The following RALGPS1 variants were observed in gnomAD, a reference collection of about 807,000 sequenced individuals.
The protein encoded by RALGPS1 is ras-specific guanine nucleotide-releasing factor RalGPS1.
In RALGPS1, 19 loss-of-function variants were observed where a neutral mutation model predicts 78.8. That is an observed-to-expected ratio of 0.24 (90% CI 0.17 to 0.35). The LOEUF (loss-of-function observed/expected upper bound fraction) is 0.35. Ranked by LOEUF, RALGPS1 falls within the 10% of genes least tolerant of loss-of-function variation. The pLI is 1.00. For missense variants in RALGPS1, 454 were observed against 688.3 expected, an observed-to-expected ratio of 0.66 and a Z score of 3.81; for synonymous variants, 228 against 256.3, an observed-to-expected ratio of 0.89 and a Z score of 1.06.
At chr9:127,194,351 A>G (rs1274255222) in intron 11 of RALGPS1, among the ~76,000 whole-genome samples, 1 of 152,162 alleles carries the variant, frequency 6.6e-6, no homozygotes, top group Non-Finnish European at 1.5e-5. Flanking sequence ...TTTAATGAGT[A>G]CATAGAGACC....
At chr9:127,048,143 C>T (rs2047979035) in intron 5 of RALGPS1, among the ~76,000 whole-genome samples, 1 of 152,086 alleles carries the variant, frequency 6.6e-6, no homozygotes, top group Admixed American at 6.5e-5. Flanking sequence ...CCTTGTTGCA[C>T]CAGTCCTCCC....
chr9:127,089,044 C>G (rs779674362), intron 8 of RALGPS1: 4 of 1,614,208 alleles, frequency 2.5e-6, no homozygotes, highest in Non-Finnish European at 2.5e-6. Context: ...GGTAGCGGCT[C>G]CGGTAATGGC....
chr9:127,012,932 A>C (rs1188975666), intron 4 of RALGPS1, among the ~76,000 whole-genome samples: 1 of 152,142 alleles, frequency 6.6e-6, no homozygotes, highest in African/African-American at 2.4e-5. Context: ...TCCCTGGTCT[A>C]ATGGGAAAGG....
chr9:127,137,898 C>G (rs2057510549), intron 8 of RALGPS1, among the ~76,000 whole-genome samples: 1 of 152,172 alleles, frequency 6.6e-6, no homozygotes, highest in African/African-American at 2.4e-5. Context: ...GCCCAGGTCC[C>G]TCATCTGTAA....
rs1013813887 is a variant in RALGPS1 at position 126,933,908 on chromosome 9, A to G, written c.-66+18933A>G. 4.4e-4 allele frequency among the ~76,000 whole-genome samples: 67 copies of G among 152,120 alleles called. 1 individual carries two copies. Among genetic ancestry groups the G allele is most frequent in the African/African-American group, 1.6e-3 (66 of 41,420 alleles). On this transcript the variant is annotated intron_variant, in intron 1 of 18. Coordinates refer to ENST00000259351, the MANE Select transcript of RALGPS1 (RefSeq NM_014636.3). ...GTGGCAGGAGAGTTTGTGTCCAGGCATTCCTGAGGTCCCTTCTCGCTGGGT... is the reference window on the plus strand; with the variant it reads ...GTGGCAGGAGAGTTTGTGTCCAGGCGTTCCTGAGGTCCCTTCTCGCTGGGT...
intron 4 of RALGPS1, among the ~76,000 whole-genome samples, chr9:126,985,448 A>G (rs1002439004): frequency 3.9e-5 from 6 of 152,204 alleles, no homozygotes; most frequent in Non-Finnish European, 7.3e-5. Flanking sequence ...TTTGACTAAT[A>G]TAATACTGAT....
At chr9:127,005,616 C>T (rs1395334352) in intron 4 of RALGPS1, among the ~76,000 whole-genome samples, 1 of 152,150 alleles carries the variant, frequency 6.6e-6, no homozygotes, top group African/African-American at 2.4e-5. Flanking sequence ...GCTTCGACTA[C>T]ACAGGAGTTC....
chr9:126,916,628 A>G (rs1388025045), intron 1 of RALGPS1, among the ~76,000 whole-genome samples: 1 of 152,150 alleles, frequency 6.6e-6, no homozygotes, highest in African/African-American at 2.4e-5. Flanking sequence ...TAAAAAATAC[A>G]AAAGTCAGCC....
Position 127,178,036 on chromosome 9 carries a change from C to T in RALGPS1, c.910+3254C>T, listed in dbSNP as rs967431657. 2.5e-5 allele frequency: 37 copies of T among 1,497,932 alleles called. No individual in the cohort carries two copies. In the African/African-American group the frequency reaches 2.9e-4, roughly 12 times the overall value. 92.8% of individuals were successfully genotyped at this position (1,497,932 alleles called of 1,614,324 possible). A position where few individuals can be genotyped will look rare whatever the true frequency, so the allele number is the denominator to read the frequency against. ...AAAGCATGGCGAGGCACCCATGGGCCGGCCCAGGGTCCTGGGGAGGGTGGA... is the reference window on the plus strand; with the variant it reads ...AAAGCATGGCGAGGCACCCATGGGCTGGCCCAGGGTCCTGGGGAGGGTGGA... On this transcript the variant is annotated intron_variant, in intron 11 of 18. Transcript: ENST00000259351.
At chr9:126,924,794 G>C (rs2035108806) in intron 1 of RALGPS1, among the ~76,000 whole-genome samples, 1 of 152,248 alleles carries the variant, frequency 6.6e-6, no homozygotes, top group African/African-American at 2.4e-5. Flanking sequence ...AGGGTCTACT[G>C]AGTGCCAGTG....
chr9:127,196,086 A>G (rs1051374581), intron 12 of RALGPS1, among the ~76,000 whole-genome samples: 5 of 152,206 alleles, frequency 3.3e-5, no homozygotes, highest in Non-Finnish European at 5.9e-5. Flanking sequence ...GTTCGTTGCA[A>G]TGGTGGAAAA....
chr9:126,922,165 C>G (rs1207007136), intron 1 of RALGPS1, among the ~76,000 whole-genome samples: 1 of 152,208 alleles, frequency 6.6e-6, no homozygotes, highest in Non-Finnish European at 1.5e-5. Context: ...CAAGTTCTTT[C>G]TGTTTAATCA....
At chr9:126,985,687 C>G (rs2041732796) in intron 4 of RALGPS1, among the ~76,000 whole-genome samples, 1 of 152,212 alleles carries the variant, frequency 6.6e-6, no homozygotes, top group South Asian at 2.1e-4. Flanking sequence ...TACTTCTTGT[C>G]TTCTCTCTTT....
intron 8 of RALGPS1, among the ~76,000 whole-genome samples, chr9:127,101,233 G>A (rs537315844): frequency 3.2e-4 from 48 of 152,334 alleles, no homozygotes; most frequent in African/African-American, 8.7e-4. Context: ...TTTGCACACC[G>A]TTTCATTTCA....
intron 1 of RALGPS1, among the ~76,000 whole-genome samples, chr9:126,920,679 T>G (rs1202512160): frequency 6.6e-6 from 1 of 152,178 alleles, no homozygotes; most frequent in Admixed American, 6.5e-5. Context: ...TTTCTTCAGG[T>G]GGGCATTCAT....
At chr9:127,075,848 G>A (rs2050628537) in intron 8 of RALGPS1, among the ~76,000 whole-genome samples, 1 of 152,202 alleles carries the variant, frequency 6.6e-6, no homozygotes, top group South Asian at 2.1e-4. Flanking sequence ...GGTCTCCTGT[G>A]ACTATTCACA....
Position 127,218,647 on chromosome 9 carries a change from CGG to C in RALGPS1, c.1645-90_1645-89del. Reference sequence around the variant, plus strand: ...CCCAACCTGCTCATTCCCAGACTCACGGGGAAAGGCCTGTCCCTTCCCCTAGG... The same window carrying C: ...CCCAACCTGCTCATTCCCAGACTCACGGAAAGGCCTGTCCCTTCCCCTAGG... On this transcript the variant is annotated intron_variant, in intron 18 of 18. Coordinates refer to ENST00000259351, the MANE Select transcript of RALGPS1 (RefSeq NM_014636.3). The surrounding 1 kb of genome is among the most constrained non-coding windows in gnomAD (Gnocchi z 4.4). 7.4e-7 allele frequency: 1 copy of C among 1,344,530 alleles called. No individual in the cohort carries two copies. Among genetic ancestry groups the C allele is most frequent in the Non-Finnish European group, 1.1e-6 (1 of 934,792 alleles). 83.3% of individuals were successfully genotyped at this position (1,344,530 alleles called of 1,614,324 possible).
intron 11 of RALGPS1, among the ~76,000 whole-genome samples, chr9:127,186,230 A>G (rs1040982981): frequency 2.0e-5 from 3 of 152,254 alleles, no homozygotes; most frequent in Admixed American, 6.5e-5. Context: ...ATATGTTCCA[A>G]TAAAACTGCT....
At chr9:127,113,122 A>G (rs1373089145) in intron 8 of RALGPS1, among the ~76,000 whole-genome samples, 1 of 152,200 alleles carries the variant, frequency 6.6e-6, no homozygotes, top group African/African-American at 2.4e-5. Context: ...AAGGGAAGGA[A>G]CAGGGCACTG....
Sources: gnomAD v4.1 joint callset for allele counts (sites outside exome capture counted in the v4.1 genomes callset) on GRCh38, gnomAD v4.1.1 for gene constraint, Gnocchi (gnomAD v3.1) non-coding constraint, MANE v1.5 for transcripts, NCBI Gene and HGNC (gene_info 2026-07-23, HGNC 2026-07-21) for gene names.